PCGF3: variants seen among roughly 807,000 people sequenced by gnomAD.
PCGF3 encodes polycomb group ring finger 3.
In PCGF3, 7 loss-of-function variants were observed where a neutral mutation model predicts 33.1. The observed-to-expected ratio is 0.21, with a 90% CI of 0.12 to 0.40. The LOEUF (loss-of-function observed/expected upper bound fraction) is 0.40, where lower values mean the gene tolerates loss of function less well. PCGF3 is among the 10% of genes least tolerant of loss of function. The pLI is 1.00. For synonymous variants in PCGF3, 153 were observed against 121.3 expected (o/e 1.26, Z -1.72); for missense variants, 211 against 313.3 (o/e 0.67, Z 2.46).
intron 1 of PCGF3, among the ~76,000 whole-genome samples, chr4:712,039 CCTATTGTTTAT>C (rs1388027271): frequency 2.0e-5 from 3 of 151,800 alleles, no homozygotes; most frequent in South Asian, 2.1e-4. Context: ...GGGACAGTTT[CCTATTGTTTAT>C]CTATTTTTTA....
At chr4:752,274 A>G (rs972698005) in intron 8 of PCGF3, among the ~76,000 whole-genome samples, 3 of 151,964 alleles carry the variant, frequency 2.0e-5, no homozygotes, top group African/African-American at 7.3e-5. Flanking sequence ...TGCATCTGCC[A>G]CCTTCTCTGT....
chr4:743,457 G>T lies in PCGF3; in HGVS notation c.263-17G>T. The T allele has an allele frequency of 6.8e-7, 1 of 1,474,286 alleles. No homozygotes were observed. The highest frequency in any genetic ancestry group is 9.5e-7 in the Non-Finnish European group (1 of 1,052,600). The allele number at this position is 1,474,286 out of a possible 1,614,324, so 91.3% of individuals were successfully genotyped here. A position where few individuals can be genotyped will look rare whatever the true frequency, so the allele number is the denominator to read the frequency against. On this transcript the variant is annotated splice_polypyrimidine_tract_variant and intron_variant, in intron 6 of 10. Coordinates refer to ENST00000362003, the Ensembl canonical transcript of PCGF3. The stretch of plus-strand genomic sequence containing the variant: ...CACTGCCTGTGAGATGAAAGACTGT[G>T]TGTTGATTTTCCGCAGCGGAAATGA...
chr4:729,279 G>C (rs1743454814), intron 1 of PCGF3, among the ~76,000 whole-genome samples: 1 of 151,950 alleles, frequency 6.6e-6, no homozygotes, highest in African/African-American at 2.4e-5. Flanking sequence ...GCCAGGTGTG[G>C]TGGTGCATGC....
rs117092901 is a variant in PCGF3, at chr4:733,471, G to A, written c.-9-201G>A. On this transcript the variant is annotated intron_variant, in intron 3 of 10. Coordinates refer to ENST00000362003, the Ensembl canonical transcript of PCGF3. ...GAGCCGGGGGCTTTTGAAAAGGTGG[G>A]CTTGTCCCAGTGCACGCAGACACTG... 5.9e-5 allele frequency among the ~76,000 whole-genome samples: 9 copies of A among 152,314 alleles called. No homozygotes were observed. In the East Asian group the frequency reaches 1.7e-3, roughly 29 times the overall value.
At chr4:752,086 A>AG (rs1170321095) in intron 8 of PCGF3, among the ~76,000 whole-genome samples, 4 of 152,222 alleles carry the variant, frequency 2.6e-5, no homozygotes, top group African/African-American at 9.7e-5. Context: ...CTGTTTTCCG[A>AG]GGGAGGGGAT....
chr4:763,778 A>G (rs1382587813), intron 9 of PCGF3, among the ~76,000 whole-genome samples: 1 of 152,256 alleles, frequency 6.6e-6, no homozygotes, highest in Admixed American at 6.5e-5. Context: ...ATCTTTCTTC[A>G]TAATTACCAA....
At chr4:718,109 G>A (rs1011019949) in intron 1 of PCGF3, among the ~76,000 whole-genome samples, 3 of 152,276 alleles carry the variant, frequency 2.0e-5, no homozygotes, top group Non-Finnish European at 4.4e-5. Flanking sequence ...TCCCTGGGGT[G>A]CAAGGCTGTC....
chr4:730,150 C>T (rs1040446098), intron 1 of PCGF3, among the ~76,000 whole-genome samples: 8 of 152,168 alleles, frequency 5.3e-5, no homozygotes, highest in Non-Finnish European at 1.2e-4. Flanking sequence ...GTCTGGTAGG[C>T]GCAGGCAGGT....
At chr4:753,141 C>T (rs1368403670) in intron 8 of PCGF3, among the ~76,000 whole-genome samples, 1 of 152,244 alleles carries the variant, frequency 6.6e-6, no homozygotes, top group East Asian at 1.9e-4. Flanking sequence ...CCAGAGCTGA[C>T]AAGCCCCGGA....
rs1281891963 is a variant in PCGF3 at position 759,950 on chromosome 4, C to CCG, written c.463-1328_463-1327insGC. Among the ~76,000 whole-genome samples the CCG allele has an allele frequency of 1.4e-4, 20 of 145,048 alleles. 1 individual carries two copies. Among genetic ancestry groups the CCG allele is most frequent in the African/African-American group, 4.3e-4 (17 of 39,472 alleles). Reference sequence around the variant, plus strand: ...CCTTCCGGACTCCGGGTCTTTCTCCCCACGGCCTCTCTCCCGAGTTCTCTC... The same window carrying CCG: ...CCTTCCGGACTCCGGGTCTTTCTCCCCGCACGGCCTCTCTCCCGAGTTCTCTC... On this transcript the variant is annotated intron_variant, in intron 8 of 10. Coordinates refer to ENST00000362003, the Ensembl canonical transcript of PCGF3.
Position 765,070 on chromosome 4 carries a change from A to T in PCGF3, c.681+6A>T. On this transcript the variant is annotated splice_donor_region_variant and intron_variant, in intron 10 of 10. Transcript: ENST00000362003. The stretch of plus-strand genomic sequence containing the variant: ...TCACTAGGTGGAGATTCAAGGTGAG[A>T]CACGTGATTTGATTTTCAGAGTCTG... 6.2e-7 allele frequency: 1 copy of T among 1,600,404 alleles called. No homozygotes were observed. Among genetic ancestry groups the T allele is most frequent in the Non-Finnish European group, 8.6e-7 (1 of 1,167,614 alleles).
chr4:731,475 G>T, intron 3 of PCGF3: 1 of 291,882 alleles, frequency 3.4e-6, no homozygotes, highest in Non-Finnish European at 6.4e-6. Context: ...CAGGGGCGCA[G>T]GGCAGGGCTA....
At chr4:760,781 CT>C (rs1745011023) in intron 8 of PCGF3, among the ~76,000 whole-genome samples, 1 of 152,386 alleles carries the variant, frequency 6.6e-6, no homozygotes, top group Non-Finnish European at 1.5e-5. Context: ...CCACAGTCCC[CT>C]TAACAGTCAC....
intron 6 of PCGF3, among the ~76,000 whole-genome samples, chr4:741,768 T>G (rs1744103403): frequency 6.6e-6 from 1 of 152,168 alleles, no homozygotes; most frequent in Non-Finnish European, 1.5e-5. Flanking sequence ...TTAATCCTTC[T>G]TTATTCTTAC....
rs1403256918 is a variant in PCGF3, at chr4:720,652, G to A, written c.-189-9978G>A. On this transcript the variant is annotated intron_variant, in intron 1 of 10. Coordinates refer to ENST00000362003, the Ensembl canonical transcript of PCGF3. The surrounding 1 kb of genome is among the most constrained non-coding windows in gnomAD (Gnocchi z 5.6). ...ACGTGCGTGTGGACCCGGGGTGGAC[G>A]GGCGGTGACGTGCGTGTGGACCCGG... Among the ~76,000 whole-genome samples, 1 of 151,048 alleles carries A rather than the reference G, an allele frequency of 6.6e-6. No homozygotes were observed. Among genetic ancestry groups the A allele is most frequent in the Non-Finnish European group, 1.5e-5 (1 of 67,716 alleles).
chr4:725,739 G>T (rs1040309716), intron 1 of PCGF3, among the ~76,000 whole-genome samples: 3 of 152,004 alleles, frequency 2.0e-5, no homozygotes, highest in Non-Finnish European at 4.4e-5. Flanking sequence ...TGTGTGGGCT[G>T]CAGAGGGCTG....
chr4:715,118 C>A (rs1160015648), intron 1 of PCGF3, among the ~76,000 whole-genome samples: 2 of 145,660 alleles, frequency 1.4e-5, no homozygotes, highest in Non-Finnish European at 3.0e-5. Flanking sequence ...AGTGTGAGAA[C>A]TGGGTGTCGG....
chr4:737,978 C>T (rs1743908958), intron 6 of PCGF3, among the ~76,000 whole-genome samples: 1 of 152,174 alleles, frequency 6.6e-6, no homozygotes, highest in Admixed American at 6.5e-5. Flanking sequence ...AAAGAAATAC[C>T]AAGTAGTACA....
intron 8 of PCGF3, among the ~76,000 whole-genome samples, chr4:752,800 C>T (rs978485998): frequency 2.0e-5 from 3 of 152,274 alleles, no homozygotes; most frequent in African/African-American, 4.8e-5. Flanking sequence ...CCCGCCAGGG[C>T]AACCCCAGAG....
Sources: gnomAD v4.1 joint callset for allele counts (sites outside exome capture counted in the v4.1 genomes callset) on GRCh38, gnomAD v4.1.1 for gene constraint, Gnocchi (gnomAD v3.1) non-coding constraint, MANE v1.5 for transcripts, NCBI Gene and HGNC (gene_info 2026-07-23, HGNC 2026-07-21) for gene names.